KCNJ3: variants seen among roughly 807,000 people sequenced by gnomAD.
KCNJ3 encodes potassium inwardly rectifying channel subfamily J member 3.
In KCNJ3, 4 loss-of-function variants were observed where a neutral mutation model predicts 39.2. The ratio of observed to expected loss-of-function variants is 0.10; its 90% CI spans 0.05 to 0.23. The LOEUF (loss-of-function observed/expected upper bound fraction) is 0.23. Ranked by LOEUF, KCNJ3 falls within the 10% of genes least tolerant of loss-of-function variation. The probability of loss-of-function intolerance (pLI) is 1.00; values close to 1 mark genes in which losing one functional copy is unlikely to be tolerated. For synonymous variants in KCNJ3, 230 were observed against 237.4 expected, an observed-to-expected ratio of 0.97 and a Z score of 0.29; for missense variants, 276 against 634.9, an observed-to-expected ratio of 0.43 and a Z score of 6.08.
chr2:154,807,675 C>T (rs1379281191), intron 2 of KCNJ3, among the ~76,000 whole-genome samples: 2 of 152,108 alleles, frequency 1.3e-5, no homozygotes, highest in Non-Finnish European at 2.9e-5. Context: ...CTAGGGTTGC[C>T]TCTTAATGTT....
intron 2 of KCNJ3, among the ~76,000 whole-genome samples, chr2:154,812,503 AT>A (rs1687022246): frequency 1.3e-5 from 2 of 152,162 alleles, no homozygotes; most frequent in African/African-American, 4.8e-5. Context: ...TGACTTTTCT[AT>A]TGTGAAAGCT....
At chr2:154,710,602 T>A (rs1449840763) in intron 2 of KCNJ3, among the ~76,000 whole-genome samples, 1 of 152,106 alleles carries the variant, frequency 6.6e-6, no homozygotes, top group Admixed American at 6.6e-5. Context: ...AGTTTCCATA[T>A]AATTGTATGT....
chr2:154,699,108 C>T lies in KCNJ3; in HGVS notation c.333C>T (p.Asp111=). Residue 111 remains aspartate, a synonymous_variant, in exon 1 of 3, where the codon GAC becomes GAT. Coordinates refer to ENST00000295101, the MANE Select transcript of KCNJ3 (RefSeq NM_002239.4). The surrounding 1 kb of genome is among the most constrained non-coding windows in gnomAD (Gnocchi z 6.4). Reference sequence around the variant, plus strand: ...GGGTGATCGCCTACACTCGGGGCGACCTGAACAAAGCCCACGTCGGTAACT... The same window carrying T: ...GGGTGATCGCCTACACTCGGGGCGATCTGAACAAAGCCCACGTCGGTAACT... ...MWWVIAYTRG[D]LNKAHVGNYT... is the part of the protein sequence containing the mutation. 6.2e-7 allele frequency: 1 copy of T among 1,614,228 alleles called. No homozygotes were observed. The highest frequency in any genetic ancestry group is 1.1e-5 in the South Asian group (1 of 91,092).
intron 2 of KCNJ3, among the ~76,000 whole-genome samples, chr2:154,716,183 G>A (rs1023277104): frequency 6.6e-6 from 1 of 151,404 alleles, no homozygotes; most frequent in Non-Finnish European, 1.5e-5. Flanking sequence ...TGCAAGCTCC[G>A]CCTCCTGGGT....
chr2:154,784,578 TCA>T (rs1311805422), intron 2 of KCNJ3, among the ~76,000 whole-genome samples: 1 of 152,112 alleles, frequency 6.6e-6, no homozygotes, highest in African/African-American at 2.4e-5. Context: ...AGACAGCGTT[TCA>T]CCATGTTGGC....
At chr2:154,850,026 TTTTTTTTTTTTTTTTTTTA>T in intron 2 of KCNJ3, among the ~76,000 whole-genome samples, 3 of 126,334 alleles carry the variant, frequency 2.4e-5, no homozygotes, top group Admixed American at 7.8e-5. Context: ...TTTTTTTTTT[TTTTTTTTTTTTTTTTTTTA>T]CAAAATGTTT....
chr2:154,774,635 T>A (rs980610950), intron 2 of KCNJ3, among the ~76,000 whole-genome samples: 1 of 152,102 alleles, frequency 6.6e-6, no homozygotes, highest in African/African-American at 2.4e-5. Context: ...TTTCATGAAA[T>A]GTTTAAATCA....
intron 2 of KCNJ3, among the ~76,000 whole-genome samples, chr2:154,819,964 C>A (rs1231547917): frequency 2.0e-5 from 3 of 151,608 alleles, no homozygotes; most frequent in East Asian, 3.9e-4. Flanking sequence ...ACAAAACAAG[C>A]TGTGTGCTTT....
At chr2:154,759,450 A>G (rs1004438429) in intron 2 of KCNJ3, among the ~76,000 whole-genome samples, 1 of 152,034 alleles carries the variant, frequency 6.6e-6, no homozygotes, top group Non-Finnish European at 1.5e-5. Flanking sequence ...TTTCAAACAT[A>G]TAGGTAAGAG....
At chr2:154,825,154 G>A (rs1028272168) in intron 2 of KCNJ3, among the ~76,000 whole-genome samples, 1 of 152,082 alleles carries the variant, frequency 6.6e-6, no homozygotes, top group South Asian at 2.1e-4. Context: ...CTCTTGGCCT[G>A]GAACAGTCTT....
At chr2:154,712,158 G>A (rs1208316977) in intron 2 of KCNJ3, among the ~76,000 whole-genome samples, 1 of 152,084 alleles carries the variant, frequency 6.6e-6, no homozygotes, top group African/African-American at 2.4e-5. Flanking sequence ...ATCCCACACT[G>A]TTCAAACTCT....
At chr2:154,817,382 G>A (rs1271759089) in intron 2 of KCNJ3, among the ~76,000 whole-genome samples, 1 of 152,124 alleles carries the variant, frequency 6.6e-6, no homozygotes, top group East Asian at 1.9e-4. Flanking sequence ...TTTCACTGAG[G>A]TTTATGTTAG....
chr2:154,785,595 C>T (rs1016696451), intron 2 of KCNJ3, among the ~76,000 whole-genome samples: 2 of 152,254 alleles, frequency 1.3e-5, no homozygotes, highest in East Asian at 1.9e-4. Flanking sequence ...GGCTCCCACA[C>T]CATGTGATGC....
intron 2 of KCNJ3, among the ~76,000 whole-genome samples, chr2:154,801,446 C>A (rs1686814736): frequency 6.6e-6 from 1 of 152,002 alleles, no homozygotes; most frequent in Non-Finnish European, 1.5e-5. Context: ...CTCATTTTTT[C>A]CAAGGGCCTG....
chr2:154,767,545 C>G (rs1686158037), intron 2 of KCNJ3, among the ~76,000 whole-genome samples: 1 of 152,148 alleles, frequency 6.6e-6, no homozygotes, highest in Non-Finnish European at 1.5e-5. Context: ...CATAGTATTC[C>G]ATGGTATATA....
intron 2 of KCNJ3, among the ~76,000 whole-genome samples, chr2:154,827,695 T>C (rs10182970): frequency 0.011 from 1,312 of 114,214 alleles, 28 homozygotes; most frequent in African/African-American, 0.033. Context: ...TTTCTATAAA[T>C]GTTCAAGAAA....
At chr2:154,791,690 CAG>C (rs898686657) in intron 2 of KCNJ3, among the ~76,000 whole-genome samples, 12 of 151,926 alleles carry the variant, frequency 7.9e-5, no homozygotes, top group African/African-American at 2.9e-4. Flanking sequence ...AGCATAAAAT[CAG>C]AGACTAGAAA....
At chr2:154,762,410 C>T (rs1005916479) in intron 2 of KCNJ3, among the ~76,000 whole-genome samples, 4 of 152,162 alleles carry the variant, frequency 2.6e-5, no homozygotes, top group Non-Finnish European at 4.4e-5. Context: ...TTACCAGTTA[C>T]ACATTCATCA....
intron 2 of KCNJ3, among the ~76,000 whole-genome samples, chr2:154,740,641 G>A (rs1373988211): frequency 1.3e-5 from 2 of 151,854 alleles, no homozygotes; most frequent in Non-Finnish European, 1.5e-5. Flanking sequence ...CAGATGGTAG[G>A]CTTTTGCTTT....
Sources: gnomAD v4.1 joint callset for allele counts (sites outside exome capture counted in the v4.1 genomes callset) on GRCh38, gnomAD v4.1.1 for gene constraint, Gnocchi (gnomAD v3.1) non-coding constraint, MANE v1.5 for transcripts, NCBI Gene and HGNC (gene_info 2026-07-23, HGNC 2026-07-21) for gene names.